Variants in ATP11A observed in about 807,000 individuals in gnomAD.
ATP11A encodes the protein ATPase phospholipid transporting 11A.
In ATP11A, 81 loss-of-function variants were observed where a neutral mutation model predicts 154.4. The ratio of observed to expected loss-of-function variants is 0.52; its 90% CI spans 0.44 to 0.63. The LOEUF (loss-of-function observed/expected upper bound fraction) is 0.63. Among genes scored for constraint, ATP11A ranks in the 30% least tolerant of loss-of-function variants. The probability of loss-of-function intolerance (pLI) is 0.00; values close to 1 mark genes in which losing one functional copy is unlikely to be tolerated. For missense variants in ATP11A, 1,316 were observed against 1,474.3 expected, an observed-to-expected ratio of 0.89 and a Z score of 1.76; for synonymous variants, 623 against 585.9, an observed-to-expected ratio of 1.06 and a Z score of -0.91.
At chr13:112,766,435 G>A (rs901651348) in intron 1 of ATP11A, among the ~76,000 whole-genome samples, 10 of 152,286 alleles carry the variant, frequency 6.6e-5, no homozygotes, top group Non-Finnish European at 1.3e-4. Context: ...CCCAGAGGCT[G>A]TCACAGGGCA....
chr13:112,760,926 TC>T (rs762790059), intron 1 of ATP11A, among the ~76,000 whole-genome samples: 62 of 152,334 alleles, frequency 4.1e-4, no homozygotes, highest in African/African-American at 1.3e-3. Flanking sequence ...AGTTTCCCTT[TC>T]TGTAGTTTCA....
At position 112,744,710 on chromosome 13, in the gene ATP11A, C is replaced by G. The variant is rs1455220548; in HGVS notation, c.40-40425C>G. Among the ~76,000 whole-genome samples the G allele has an allele frequency of 3.3e-5, 5 of 152,318 alleles. No individual in the cohort carries two copies. In the East Asian group the frequency reaches 9.7e-4, roughly 29 times the overall value. On this transcript the variant is annotated intron_variant, in intron 1 of 29. Transcript: ENST00000375645. ...CATCCTCCACACCTTCCCTCCTGGT[C>G]GACTCTTAGTCACCCGGCTGGTGTG...
At chr13:112,703,793 CTATAACATATTGTTTT>C (rs1886851891) in intron 1 of ATP11A, among the ~76,000 whole-genome samples, 1 of 151,970 alleles carries the variant, frequency 6.6e-6, no homozygotes, top group South Asian at 2.1e-4. Context: ...TAAAACAATG[CTATAACATATTGTTTT>C]GGTGTTTGCA....
chr13:112,759,718 T>G (rs956285353), intron 1 of ATP11A, among the ~76,000 whole-genome samples: 1 of 151,340 alleles, frequency 6.6e-6, no homozygotes, highest in Middle Eastern at 3.2e-3. Context: ...AACTTTTAAT[T>G]TTTTTAATAG....
intron 27 of ATP11A, among the ~76,000 whole-genome samples, chr13:112,874,224 C>A (rs1306695381): frequency 2.6e-5 from 4 of 152,184 alleles, no homozygotes; most frequent in African/African-American, 9.6e-5. Context: ...AGCAGGCACG[C>A]AGGCCCGGGC....
intron 1 of ATP11A, among the ~76,000 whole-genome samples, chr13:112,724,953 T>C (rs1889657213): frequency 6.6e-6 from 1 of 152,194 alleles, no homozygotes; most frequent in Non-Finnish European, 1.5e-5. Flanking sequence ...GCCATGCCTG[T>C]GGTCCCCTGT....
In ATP11A at chr13:112,825,433, G is replaced by T; in HGVS notation, c.876G>T (p.Ser292=). The change falls in exon 11 of 30, where the codon TCG becomes TCT. Residue 292 remains serine (S), a synonymous_variant. Coordinates refer to ENST00000375645, the MANE Select transcript of ATP11A (RefSeq NM_015205.3). The part of the protein sequence containing the change: ...KSQKRSAVEK[S]MNAFLIVYLC... The stretch of plus-strand genomic sequence containing the variant: ...CACCTCTGTCCTTTTGTTTTAGATC[G>T]ATGAATGCGTTCCTCATTGTGTATC... 1 of 1,608,986 alleles carries T rather than the reference G, an allele frequency of 6.2e-7. No homozygotes were observed. Among genetic ancestry groups the T allele is most frequent in the Admixed American group, 1.7e-5 (1 of 59,244 alleles).
At chr13:112,766,491 C>T (rs1442368343) in intron 1 of ATP11A, among the ~76,000 whole-genome samples, 1 of 152,160 alleles carries the variant, frequency 6.6e-6, no homozygotes, top group Non-Finnish European at 1.5e-5. Flanking sequence ...TGCAGAGCTG[C>T]GTCCAGAAGG....
intron 1 of ATP11A, among the ~76,000 whole-genome samples, chr13:112,720,570 T>C (rs1010730630): frequency 7.2e-5 from 11 of 151,948 alleles, no homozygotes; most frequent in Non-Finnish European, 1.6e-4. Flanking sequence ...TTTTTTTTAA[T>C]TTTTTTGAGA....
chr13:112,860,571 G>A (rs2080072265), intron 24 of ATP11A, 157 bp downstream of exon 24: 6 of 795,172 alleles, frequency 7.5e-6, no homozygotes, highest in Admixed American at 2.7e-5. Context: ...TGTTTAAACT[G>A]GAAGCAACAT....
At chr13:112,766,016 G>A (rs1185781502) in intron 1 of ATP11A, among the ~76,000 whole-genome samples, 1 of 152,198 alleles carries the variant, frequency 6.6e-6, no homozygotes, top group African/African-American at 2.4e-5. Flanking sequence ...CTTGGGATAC[G>A]GTCGGGGGCG....
chr13:112,828,161 C>T (rs369514271), intron 12 of ATP11A, among the ~76,000 whole-genome samples: 35 of 48,814 alleles, frequency 7.2e-4, no homozygotes, highest in Middle Eastern at 0.023. Context: ...CGCCCAGCAG[C>T]GTTGAGTGGG....
intron 16 of ATP11A, among the ~76,000 whole-genome samples, chr13:112,837,341 G>A (rs901966050): frequency 2.0e-5 from 3 of 152,192 alleles, no homozygotes; most frequent in African/African-American, 4.8e-5. Flanking sequence ...TCCTTTCCAC[G>A]GACGGCTCAG....
intron 1 of ATP11A, among the ~76,000 whole-genome samples, chr13:112,782,356 C>G (rs2077521377): frequency 6.6e-6 from 1 of 152,208 alleles, no homozygotes; most frequent in Non-Finnish European, 1.5e-5. Flanking sequence ...TCCTGAAATT[C>G]AGTTGCCGTC....
At position 112,859,925 on chromosome 13, in the gene ATP11A, A is replaced by C. The variant is rs1305228924; in HGVS notation, c.2728-362A>C. On this transcript the variant is annotated intron_variant, in intron 23 of 29. Coordinates refer to ENST00000375645, the MANE Select transcript of ATP11A (RefSeq NM_015205.3). This position sits in a 1 kb window ranked among gnomAD's most constrained non-coding sequence, Gnocchi z 4.3. ...CCCTAGATGGACACCTCCTTCTGTC[A>C]CATGTGTGCTCAGTGGTTGGCGGGC... 6.6e-6 allele frequency among the ~76,000 whole-genome samples: 1 copy of C among 152,240 alleles called. No individual in the cohort carries two copies. The highest frequency in any genetic ancestry group is 1.9e-4 in the East Asian group (1 of 5,202).
chr13:112,851,555 T>C, intron 18 of ATP11A: 1 of 188,362 alleles, frequency 5.3e-6, no homozygotes, highest in Non-Finnish European at 1.1e-5. Flanking sequence ...GGCATCTTGG[T>C]GTGTTGCCCA....
At chr13:112,743,068 G>A (rs1311873699) in intron 1 of ATP11A, among the ~76,000 whole-genome samples, 7 of 152,196 alleles carry the variant, frequency 4.6e-5, no homozygotes, top group Admixed American at 4.6e-4. Context: ...GTTCTATGGA[G>A]AGGCGAAGTC....
chr13:112,765,956 C>T lies in ATP11A; in HGVS notation c.40-19179C>T, dbSNP rs7331407. Among the ~76,000 whole-genome samples, 819 of 152,360 alleles carry T rather than the reference C, an allele frequency of 5.4e-3. 7 individuals are homozygous for T. The highest frequency in any genetic ancestry group is 0.019 in the African/African-American group (783 of 41,588). ...GGCTTCCTTGCAGGCCGGTGTCCGG[C>T]GTTGATCCTTTAACTGACCATGGGC... On this transcript the variant is annotated intron_variant, in intron 1 of 29. Coordinates refer to ENST00000375645, the MANE Select transcript of ATP11A (RefSeq NM_015205.3).
chr13:112,742,047 C>G (rs183050056), intron 1 of ATP11A, among the ~76,000 whole-genome samples: 1 of 151,890 alleles, frequency 6.6e-6, no homozygotes, highest in Non-Finnish European at 1.5e-5. Context: ...CAGGGGAGTG[C>G]TCCCCCTCCC....
Sources: gnomAD v4.1 joint callset for allele counts (sites outside exome capture counted in the v4.1 genomes callset) on GRCh38, gnomAD v4.1.1 for gene constraint, Gnocchi (gnomAD v3.1) non-coding constraint, MANE v1.5 for transcripts, NCBI Gene and HGNC (gene_info 2026-07-23, HGNC 2026-07-21) for gene names.